The following FAF1 variants were observed in gnomAD, a reference collection of about 807,000 sequenced individuals.
FAF1 encodes Fas associated factor 1.
In FAF1, 25 loss-of-function variants were observed where a neutral mutation model predicts 92.5. That is an observed-to-expected ratio of 0.27 (90% CI 0.20 to 0.38). The LOEUF (loss-of-function observed/expected upper bound fraction) is 0.38, where lower values mean the gene tolerates loss of function less well. FAF1 is among the 10% of genes least tolerant of loss of function. The pLI is 1.00. For missense variants in FAF1, 636 were observed against 793.3 expected, an observed-to-expected ratio of 0.80 and a Z score of 2.38; for synonymous variants, 234 against 273.2, an observed-to-expected ratio of 0.86 and a Z score of 1.42.
At chr1:50,539,327 T>C (rs1398341354) in intron 14 of FAF1, among the ~76,000 whole-genome samples, 1 of 152,218 alleles carries the variant, frequency 6.6e-6, no homozygotes, top group East Asian at 1.9e-4. Context: ...AATTGATAGA[T>C]TATACAATTT....
intron 4 of FAF1, among the ~76,000 whole-genome samples, chr1:50,769,324 C>A (rs549421832): frequency 6.6e-6 from 1 of 152,198 alleles, no homozygotes; most frequent in South Asian, 2.1e-4. Flanking sequence ...CCAGACAATG[C>A]CCAGGACCAG....
chr1:50,924,366 T>A (rs1644988075), intron 1 of FAF1, among the ~76,000 whole-genome samples: 1 of 143,516 alleles, frequency 7.0e-6, no homozygotes, highest in Non-Finnish European at 1.5e-5. Flanking sequence ...ATCAAGAAGG[T>A]AAAAGACCTC....
intron 15 of FAF1, among the ~76,000 whole-genome samples, chr1:50,501,310 A>T (rs1014219870): frequency 6.6e-6 from 1 of 152,216 alleles, no homozygotes; most frequent in Non-Finnish European, 1.5e-5. Context: ...AATCGTCAAG[A>T]AAATGCAAAC....
intron 6 of FAF1, among the ~76,000 whole-genome samples, chr1:50,723,267 G>A (rs1047231371): frequency 1.1e-4 from 16 of 151,838 alleles, no homozygotes; most frequent in African/African-American, 3.4e-4. Flanking sequence ...CAGGTGTGGC[G>A]GCATGCTCCT....
intron 4 of FAF1, among the ~76,000 whole-genome samples, chr1:50,786,727 T>C (rs1359641536): frequency 2.0e-5 from 3 of 152,142 alleles, no homozygotes; most frequent in Admixed American, 6.5e-5. Context: ...TTTGGTAAAC[T>C]GAAATAAGTC....
chr1:50,677,459 G>A (rs1301127717), intron 7 of FAF1, among the ~76,000 whole-genome samples: 1 of 152,036 alleles, frequency 6.6e-6, no homozygotes, highest in Non-Finnish European at 1.5e-5. Context: ...CTGAATTCCT[G>A]AGTCATTTAT....
intron 1 of FAF1, among the ~76,000 whole-genome samples, chr1:50,920,384 G>T (rs972687423): frequency 6.6e-6 from 1 of 152,010 alleles, no homozygotes; most frequent in African/African-American, 2.4e-5. Flanking sequence ...CCCAAAAAGT[G>T]TAGGTACAGC....
intron 2 of FAF1, among the ~76,000 whole-genome samples, chr1:50,841,762 T>G (rs1042593501): frequency 6.6e-6 from 1 of 152,058 alleles, no homozygotes; most frequent in South Asian, 2.1e-4. Flanking sequence ...AAAATTTTTT[T>G]TAAGTTATTA....
intron 13 of FAF1, among the ~76,000 whole-genome samples, chr1:50,547,435 T>C (rs550210610): frequency 8.8e-4 from 134 of 151,436 alleles, no homozygotes; most frequent in African/African-American, 3.0e-3. Flanking sequence ...TTTTTTGAGA[T>C]GGAGTTTTGC....
At chr1:50,907,292 T>C (rs143410987) in intron 1 of FAF1, among the ~76,000 whole-genome samples, 1,983 of 152,338 alleles carry the variant, frequency 0.013, 42 homozygotes, top group African/African-American at 0.044. Flanking sequence ...CAGTATTTTA[T>C]TGAGGATTTC....
chr1:50,911,132 G>T (rs912282082), intron 1 of FAF1, among the ~76,000 whole-genome samples: 1 of 151,792 alleles, frequency 6.6e-6, no homozygotes, highest in Non-Finnish European at 1.5e-5. Context: ...GAGTGCAGTG[G>T]TGTGATCTCA....
At chr1:50,599,692 G>A (rs1652003481) in intron 8 of FAF1, among the ~76,000 whole-genome samples, 1 of 152,122 alleles carries the variant, frequency 6.6e-6, no homozygotes, top group African/African-American at 2.4e-5. Flanking sequence ...GCATACCAAA[G>A]TATAATGGAT....
intron 2 of FAF1, among the ~76,000 whole-genome samples, chr1:50,806,632 C>G (rs1662216013): frequency 6.6e-6 from 1 of 152,188 alleles, no homozygotes. Context: ...ATGGAGGTGT[C>G]ATGGCCAGAG....
chr1:50,693,157 T>C (rs1657014441), intron 7 of FAF1, among the ~76,000 whole-genome samples: 1 of 152,126 alleles, frequency 6.6e-6, no homozygotes, highest in Non-Finnish European at 1.5e-5. Flanking sequence ...CCACGAAAAA[T>C]TTTTCCTGTT....
chr1:50,816,574 G>A (rs1323676976), intron 2 of FAF1, among the ~76,000 whole-genome samples: 1 of 152,072 alleles, frequency 6.6e-6, no homozygotes, highest in Non-Finnish European at 1.5e-5. Context: ...GTAAATCCTG[G>A]ATATTAGGCC....
intron 18 of FAF1, among the ~76,000 whole-genome samples, chr1:50,471,378 T>C (rs1169384478): frequency 6.6e-6 from 1 of 152,092 alleles, no homozygotes; most frequent in Admixed American, 6.6e-5. Flanking sequence ...GAAAGGCTTT[T>C]CCCCCAGTAC....
At chr1:50,920,198 G>A (rs1421805094) in intron 1 of FAF1, among the ~76,000 whole-genome samples, 2 of 152,006 alleles carry the variant, frequency 1.3e-5, no homozygotes, top group Admixed American at 6.5e-5. Flanking sequence ...CTACTCGGGA[G>A]GCTGAGGCAG....
chr1:50,716,471 G>A lies in FAF1; in HGVS notation c.552-10580C>T, dbSNP rs150660058. 2.2e-3 allele frequency among the ~76,000 whole-genome samples: 331 copies of A among 152,290 alleles called. 3 individuals are homozygous for A. The highest frequency in any genetic ancestry group is 7.6e-3 in the African/African-American group (314 of 41,554). ...TGAAGCCAGCTGGACTTCCTGGGTC[G>A]AGTGGGGACTTGGAGAACTTTTCTG... is the stretch of plus-strand genomic sequence containing the variant. On this transcript the variant is annotated intron_variant, in intron 6 of 18. Transcript: ENST00000396153.
At chr1:50,456,092 T>TC (rs909310613) in intron 18 of FAF1, among the ~76,000 whole-genome samples, 3 of 152,154 alleles carry the variant, frequency 2.0e-5, no homozygotes, top group African/African-American at 7.2e-5. Context: ...AAAAAATTTT[T>TC]TTTTTTTAGA....
Sources: allele counts gnomAD v4.1 joint callset (sites outside exome capture counted in the v4.1 genomes callset), GRCh38; gene constraint gnomAD v4.1.1; transcripts MANE v1.5; gene names NCBI Gene and HGNC (gene_info 2026-07-23, HGNC 2026-07-21).